Variants in DNAH12 observed in about 807,000 individuals in gnomAD.
DNAH12 encodes the protein axonemal beta dynein heavy chain 12.
DNAH12 carries 285 observed loss-of-function variants against 371.5 expected under a neutral mutation model. That is an observed-to-expected ratio of 0.77 (90% CI 0.70 to 0.85). The LOEUF is 0.85. DNAH12 is among the 40% of genes least tolerant of loss of function. DNAH12 has a pLI of 0.00. For missense variants in DNAH12, 3,611 were observed against 3,689.4 expected, an observed-to-expected ratio of 0.98 and a Z score of 0.55; for synonymous variants, 1,200 against 1,213.0, an observed-to-expected ratio of 0.99 and a Z score of 0.22.
chr3:57,506,694 G>T (rs1247899957), intron 8 of DNAH12, among the ~76,000 whole-genome samples: 1 of 152,018 alleles, frequency 6.6e-6, no homozygotes, highest in Non-Finnish European at 1.5e-5. Context: ...CACCTGCCTG[G>T]GCCTCCCAAA....
intron 4 of DNAH12, 49 bp downstream of exon 4, chr3:57,523,534 T>C: frequency 6.7e-7 from 1 of 1,500,240 alleles, no homozygotes. Flanking sequence ...TACTTTGCAA[T>C]AATTTCTTTG....
At chr3:57,500,019 C>T (rs1352242083) in intron 11 of DNAH12, among the ~76,000 whole-genome samples, 1 of 149,040 alleles carries the variant, frequency 6.7e-6, no homozygotes, top group Non-Finnish European at 1.5e-5. Flanking sequence ...TTTCAATTGC[C>T]TTTTCCCCAC....
Position 57,433,787 on chromosome 3 carries a change from A to T in DNAH12, c.4697T>A (p.Val1566Asp). 1 of 1,548,694 alleles carries T rather than the reference A, an allele frequency of 6.5e-7. No homozygotes were observed. The highest frequency in any genetic ancestry group is 8.7e-7 in the Non-Finnish European group (1 of 1,146,240). The change falls in exon 31 of 74, where the codon GTT becomes GAT. Residue 1566 changes from valine to aspartate, a missense_variant. Coordinates refer to ENST00000495027, the MANE Select transcript of DNAH12 (RefSeq NM_001366028.2). ...VGEPFAAKTK[V>D]LHVLADTLTL... is the part of the protein sequence containing the mutation. ...TAGCGTATCCGCCAGCACATGCAGA[A>T]CTTTTGTCTTAGCAGCAAAAGGCTC...
Position 57,314,491 on chromosome 3 carries a change from T to TAC in DNAH12, c.10662+1_10662+2dup. 1 of 1,551,032 alleles carries TAC rather than the reference T, an allele frequency of 6.4e-7. No homozygotes were observed. The highest frequency in any genetic ancestry group is 8.7e-7 in the Non-Finnish European group (1 of 1,146,804). On this transcript the variant is annotated splice_region_variant and intron_variant, in intron 66 of 73. Transcript: ENST00000495027. ...ATGAATGTTAATTTCTTGTTAATTT[T>TAC]ACCTGCAGTTGTCGGATACTGATGC...
At chr3:57,359,774 A>G (rs977156883) in intron 58 of DNAH12, among the ~76,000 whole-genome samples, 1 of 152,092 alleles carries the variant, frequency 6.6e-6, no homozygotes, top group Non-Finnish European at 1.5e-5. Context: ...ATAAACTTGT[A>G]AAGTTTTGTT....
chr3:57,298,598 A>T lies in DNAH12; in HGVS notation c.11395-1614T>A, dbSNP rs117336659. Among the ~76,000 whole-genome samples the T allele has an allele frequency of 6.6e-3, 998 of 152,338 alleles. 23 individuals carry two copies. The highest frequency in any genetic ancestry group is 0.049 in the East Asian group (256 of 5,184). On this transcript the variant is annotated intron_variant, in intron 70 of 73. Coordinates refer to ENST00000495027, the MANE Select transcript of DNAH12 (RefSeq NM_001366028.2). The stretch of plus-strand genomic sequence containing the variant: ...TGTTACTTATAATGGAATCAATCCA[A>T]AGTGGTACAGTGCTTTTTATCCCAT...
chr3:57,416,450 T>C (rs1559634776), intron 37 of DNAH12, among the ~76,000 whole-genome samples: 1 of 152,296 alleles, frequency 6.6e-6, no homozygotes, highest in East Asian at 1.9e-4. Context: ...TCGCTATATA[T>C]AAAACACTTA....
At chr3:57,474,106 T>C (rs2066450156) in intron 13 of DNAH12, among the ~76,000 whole-genome samples, 1 of 152,144 alleles carries the variant, frequency 6.6e-6, no homozygotes, top group African/African-American at 2.4e-5. Flanking sequence ...TATTCAACAT[T>C]GTACTAGAGT....
chr3:57,305,266 C>T (rs899310210), intron 69 of DNAH12, among the ~76,000 whole-genome samples: 1 of 152,088 alleles, frequency 6.6e-6, no homozygotes, highest in Admixed American at 6.5e-5. Flanking sequence ...CACCTCTCCC[C>T]TCAATCCCAA....
Position 57,472,526 on chromosome 3 carries a change from A to T in DNAH12, c.1776+20T>A. 1 of 1,536,978 alleles carries T rather than the reference A, an allele frequency of 6.5e-7. No individual in the cohort carries two copies. Among genetic ancestry groups the T allele is most frequent in the Non-Finnish European group, 8.8e-7 (1 of 1,141,122 alleles). On this transcript the variant is annotated intron_variant, in intron 14 of 73. Transcript: ENST00000495027. ...TTGAAATGTCAGATTACAAAAATACATACTGAAAAATATATTTACCTCATC... is the reference window on the plus strand; with the variant it reads ...TTGAAATGTCAGATTACAAAAATACTTACTGAAAAATATATTTACCTCATC...
rs2063090231 is a variant in DNAH12 at position 57,368,068 on chromosome 3, T to A, written c.8952A>T (p.Leu2984=). 6.6e-6 allele frequency: 1 copy of A among 152,204 alleles called. No homozygotes were observed. The highest frequency in any genetic ancestry group is 6.5e-5 in the Admixed American group (1 of 15,274). The allele number at this position is 152,204 out of a possible 1,614,324, so 9.4% of individuals were successfully genotyped here. A position where few individuals can be genotyped will look rare whatever the true frequency, so the allele number is the denominator to read the frequency against. The change falls in exon 56 of 74, where the codon CTA becomes CTT. Residue 2984 remains leucine, a synonymous_variant. Coordinates refer to ENST00000495027, the MANE Select transcript of DNAH12 (RefSeq NM_001366028.2). ...EELDPSLEPL[L]LRQTFKQGGI... ...TACCTTGTTTAAAAGTTTGTCTGAG[T>A]AGTAAAGGCTCCAAAGATGGATCCA...
chr3:57,395,723 T>G (rs1462072199), intron 43 of DNAH12, among the ~76,000 whole-genome samples: 1 of 151,700 alleles, frequency 6.6e-6, no homozygotes, highest in Non-Finnish European at 1.5e-5. Flanking sequence ...GGCAGGAGGA[T>G]TTCTTGAGCC....
intron 45 of DNAH12, among the ~76,000 whole-genome samples, chr3:57,390,427 ATATAT>A (rs2063596294): frequency 2.0e-5 from 1 of 50,344 alleles, no homozygotes; most frequent in African/African-American, 5.5e-5. Context: ...AAAAAAAAAT[ATATAT>A]ATATATATAT....
At chr3:57,425,780 A>G (rs1031155874) in intron 34 of DNAH12, among the ~76,000 whole-genome samples, 22 of 108,660 alleles carry the variant, frequency 2.0e-4, no homozygotes, top group African/African-American at 1.0e-3. Context: ...GAAGTCTCTA[A>G]GAGCCATTCA....
At chr3:57,412,099 G>A (rs1056642855) in intron 39 of DNAH12, among the ~76,000 whole-genome samples, 5 of 152,184 alleles carry the variant, frequency 3.3e-5, no homozygotes, top group African/African-American at 1.2e-4. Flanking sequence ...AAGGAATGCT[G>A]CTGGGCACAG....
At chr3:57,321,911 A>G (rs903084271) in intron 65 of DNAH12, among the ~76,000 whole-genome samples, 2 of 152,224 alleles carry the variant, frequency 1.3e-5, no homozygotes, top group Non-Finnish European at 2.9e-5. Flanking sequence ...AATATGCTTA[A>G]CATTATTACT....
intron 19 of DNAH12, among the ~76,000 whole-genome samples, chr3:57,460,648 T>A (rs1416932247): frequency 6.6e-6 from 1 of 152,196 alleles, no homozygotes; most frequent in Non-Finnish European, 1.5e-5. Flanking sequence ...CCTTATGTCC[T>A]CTTGGAAGAA....
intron 25 of DNAH12, among the ~76,000 whole-genome samples, chr3:57,447,272 C>G (rs1303648501): frequency 1.3e-5 from 2 of 152,124 alleles, no homozygotes; most frequent in African/African-American, 2.4e-5. Context: ...ATTCTTTTTT[C>G]TCATCAATTA....
chr3:57,448,409 GC>G, intron 25 of DNAH12, among the ~76,000 whole-genome samples: 1 of 151,840 alleles, frequency 6.6e-6, no homozygotes. Flanking sequence ...GCAGACCTTC[GC>G]CCTGAGTGTT....
Sources: allele counts gnomAD v4.1 joint callset (sites outside exome capture counted in the v4.1 genomes callset), GRCh38; gene constraint gnomAD v4.1.1; transcripts MANE v1.5; gene names NCBI Gene and HGNC (gene_info 2026-07-23, HGNC 2026-07-21).